TNS1: variants seen among roughly 807,000 people sequenced by gnomAD.
TNS1 encodes the protein tensin 1.
In TNS1, 62 loss-of-function variants were observed where a neutral mutation model predicts 168.6. The observed-to-expected ratio is 0.37, with a 90% CI of 0.30 to 0.45. The LOEUF is 0.45. Ranked by LOEUF, TNS1 falls within the 20% of genes least tolerant of loss-of-function variation. The probability of loss-of-function intolerance (pLI) is 1.00; values close to 1 mark genes in which losing one functional copy is unlikely to be tolerated. For synonymous variants in TNS1, 934 were observed against 933.2 expected (o/e 1.00, Z -0.02); for missense variants, 2,240 against 2,339.4 (o/e 0.96, Z 0.88).
rs1033297958 is a variant in TNS1, at chr2:217,848,489, C to A, written c.2028G>T (p.Glu676Asp). 2 of 1,613,424 alleles carry A rather than the reference C, an allele frequency of 1.2e-6. No individual in the cohort carries two copies. The highest frequency in any genetic ancestry group is 1.7e-6 in the Non-Finnish European group (2 of 1,179,500). ...GGTAGCCTCCTCCATTGACCATAGG[C>A]TCCATGGGGTAGGACTTGTCCAGAC... is the stretch of plus-strand genomic sequence containing the variant. ...TNGLDKSYPMEPMVNGGGYPY... is the reference protein window; with the variant it reads ...TNGLDKSYPMDPMVNGGGYPY... The change falls in exon 19 of 33, where the codon GAG becomes GAT. Residue 676 changes from glutamate (E) to aspartate (D), a missense_variant. Around this residue, in one of 2 missense-constraint regions of TNS1, gnomAD observed 2,131 missense variants for 2,171.2 expected, o/e 0.98. Coordinates refer to ENST00000682258, the MANE Select transcript of TNS1 (RefSeq NM_001387777.1).
chr2:217,992,102 C>T (rs1958382350), intron 1 of TNS1, among the ~76,000 whole-genome samples: 1 of 152,108 alleles, frequency 6.6e-6, no homozygotes, highest in African/African-American at 2.4e-5. Context: ...CAGACACTGC[C>T]CACCTTTTGG....
intron 3 of TNS1, among the ~76,000 whole-genome samples, chr2:217,951,621 G>A (rs1218380873): frequency 2.6e-5 from 4 of 152,120 alleles, no homozygotes; most frequent in Non-Finnish European, 4.4e-5. Context: ...TGACCTGACA[G>A]GGGCTCGCCC....
At chr2:217,941,660 A>C (rs1956918566) in intron 3 of TNS1, among the ~76,000 whole-genome samples, 1 of 152,084 alleles carries the variant, frequency 6.6e-6, no homozygotes. Context: ...ATCCCAAGAG[A>C]CCATCCAGGT....
intron 3 of TNS1, among the ~76,000 whole-genome samples, chr2:217,932,467 T>C (rs941270710): frequency 1.3e-5 from 2 of 152,190 alleles, no homozygotes; most frequent in Non-Finnish European, 2.9e-5. Context: ...GCTTAGGAGA[T>C]GTTACTTCCC....
At chr2:217,938,983 C>A (rs2125930817) in intron 3 of TNS1, among the ~76,000 whole-genome samples, 1 of 152,236 alleles carries the variant, frequency 6.6e-6, no homozygotes, top group South Asian at 2.1e-4. Flanking sequence ...TCCCATAATT[C>A]TCTTCATCTT....
intron 22 of TNS1, among the ~76,000 whole-genome samples, chr2:217,828,984 C>T (rs1304452179): frequency 1.3e-5 from 2 of 152,136 alleles, no homozygotes; most frequent in East Asian, 1.9e-4. Flanking sequence ...GAGACATTTT[C>T]GATTGTCATG....
At chr2:217,982,391 T>C (rs970435766) in intron 2 of TNS1, among the ~76,000 whole-genome samples, 15 of 150,930 alleles carry the variant, frequency 9.9e-5, no homozygotes, top group Non-Finnish European at 1.9e-4. Flanking sequence ...TTTTTTCTTT[T>C]CTTCTTTTCT....
intron 8 of TNS1, among the ~76,000 whole-genome samples, chr2:217,895,500 A>G (rs79369978): frequency 0.026 from 3,947 of 152,208 alleles, 113 homozygotes; most frequent in Admixed American, 0.064. Context: ...CTCTCACCAC[A>G]CCGAACGGGA....
intron 1 of TNS1, among the ~76,000 whole-genome samples, chr2:218,028,691 T>C (rs796599407): frequency 3.3e-5 from 5 of 152,254 alleles, no homozygotes; most frequent in African/African-American, 1.2e-4. Flanking sequence ...TTGGGGTAGA[T>C]TTGCAGCTTC....
intron 22 of TNS1, among the ~76,000 whole-genome samples, chr2:217,824,943 A>G (rs1284398678): frequency 6.6e-6 from 1 of 152,158 alleles, no homozygotes; most frequent in East Asian, 1.9e-4. Flanking sequence ...CCTGGCACAC[A>G]GCAGGCCCTC....
At chr2:217,851,569 C>G (rs557822490) in intron 18 of TNS1, among the ~76,000 whole-genome samples, 28 of 152,244 alleles carry the variant, frequency 1.8e-4, no homozygotes, top group Admixed American at 2.6e-4. Context: ...CAGCCAACAC[C>G]AGCCCCAGAC....
At chr2:217,972,113 A>G (rs1196832493) in intron 3 of TNS1, among the ~76,000 whole-genome samples, 3 of 152,234 alleles carry the variant, frequency 2.0e-5, no homozygotes, top group African/African-American at 7.2e-5. Flanking sequence ...TTAGCATTTT[A>G]GTAGGGTTAC....
At chr2:217,956,298 C>T (rs1168808652) in intron 3 of TNS1, among the ~76,000 whole-genome samples, 3 of 152,106 alleles carry the variant, frequency 2.0e-5, no homozygotes, top group Admixed American at 1.3e-4. Context: ...CCACCGCACC[C>T]GGCCACTCTT....
At chr2:217,826,030 A>G (rs770567903) in intron 22 of TNS1, among the ~76,000 whole-genome samples, 45 of 152,150 alleles carry the variant, frequency 3.0e-4, no homozygotes, top group Admixed American at 5.2e-4. Context: ...GGCCACTCAG[A>G]CCCAGCCCCA....
chr2:217,868,908 G>A (rs1158029488), intron 18 of TNS1, among the ~76,000 whole-genome samples: 2 of 152,244 alleles, frequency 1.3e-5, no homozygotes, highest in Non-Finnish European at 2.9e-5. Context: ...GGAGGCAGCC[G>A]ATTACTGAAG....
intron 1 of TNS1, among the ~76,000 whole-genome samples, chr2:218,009,116 C>T (rs1019165584): frequency 6.6e-6 from 1 of 152,210 alleles, no homozygotes; most frequent in Admixed American, 6.5e-5. Flanking sequence ...AGCTGGGACT[C>T]TTAACCAGAA....
intron 3 of TNS1, among the ~76,000 whole-genome samples, chr2:217,955,571 T>G (rs1032716780): frequency 1.3e-5 from 2 of 152,312 alleles, no homozygotes; most frequent in African/African-American, 4.8e-5. Context: ...CCCACTGTAC[T>G]GCCTCAGGCA....
intron 3 of TNS1, among the ~76,000 whole-genome samples, chr2:217,929,807 A>G (rs1018694900): frequency 2.0e-5 from 3 of 151,690 alleles, no homozygotes; most frequent in African/African-American, 7.3e-5. Flanking sequence ...CCTCCTCCTA[A>G]ATACCTCTCT....
intron 1 of TNS1, among the ~76,000 whole-genome samples, chr2:218,001,692 A>C (rs867093616): frequency 1.1e-4 from 16 of 151,960 alleles, no homozygotes; most frequent in Non-Finnish European, 1.5e-4. Flanking sequence ...CCAGCACCCC[A>C]GCCCAACATG....
Sources: gnomAD v4.1 joint callset for allele counts (sites outside exome capture counted in the v4.1 genomes callset) on GRCh38, gnomAD v4.1.1 for gene constraint, gnomAD v4.1.1 regional missense constraint, MANE v1.5 for transcripts, NCBI Gene and HGNC (gene_info 2026-07-23, HGNC 2026-07-21) for gene names.